Variants in PCDHGA2 observed in about 807,000 individuals in gnomAD.
PCDHGA2 encodes protocadherin gamma subfamily A, 2.
PCDHGA2 carries 40 observed loss-of-function variants against 59.2 expected under a neutral mutation model. The observed-to-expected ratio is 0.68, with a 90% CI of 0.52 to 0.88. The LOEUF (loss-of-function observed/expected upper bound fraction) is 0.88, where lower values mean the gene tolerates loss of function less well. PCDHGA2 is among the 40% of genes least tolerant of loss of function. The probability of loss-of-function intolerance (pLI) is 0.00; values close to 1 mark genes in which losing one functional copy is unlikely to be tolerated. For synonymous variants in PCDHGA2, 560 were observed against 526.0 expected (o/e 1.06, Z -0.89); for missense variants, 1,226 against 1,204.0 (o/e 1.02, Z -0.27).
At chr5:141,469,126 A>T (rs2099191838) in intron 1 of PCDHGA2, among the ~76,000 whole-genome samples, 1 of 151,470 alleles carries the variant, frequency 6.6e-6, no homozygotes, top group African/African-American at 2.4e-5. Context: ...AAATTTAAAA[A>T]TTAGCCAGAA....
intron 1 of PCDHGA2, chr5:141,378,235 G>C (rs1774737741): frequency 6.6e-6 from 1 of 152,228 alleles, no homozygotes; most frequent in Non-Finnish European, 1.5e-5. Context: ...GTATTTAAGA[G>C]TGAAAATGGC....
At chr5:141,390,327 T>G (rs377735930) in intron 1 of PCDHGA2, 172 of 1,603,116 alleles carry the variant, frequency 1.1e-4, no homozygotes, top group Non-Finnish European at 2.0e-5. Flanking sequence ...CCTACCCATT[T>G]CTCCATATTC....
intron 2 of PCDHGA2, among the ~76,000 whole-genome samples, chr5:141,497,553 T>G (rs2099777684): frequency 6.6e-6 from 1 of 151,326 alleles, no homozygotes; most frequent in Non-Finnish European, 1.5e-5. Flanking sequence ...TTTTTTTTTT[T>G]TTTTTAGACA....
At chr5:141,478,870 G>A (rs1463992722) in intron 1 of PCDHGA2, 6 of 1,273,242 alleles carry the variant, frequency 4.7e-6, no homozygotes, top group Non-Finnish European at 5.2e-6. Flanking sequence ...AGCGATCAGA[G>A]TTTAGCTTGG....
intron 1 of PCDHGA2, chr5:141,375,214 C>A: frequency 6.2e-7 from 1 of 1,613,928 alleles, no homozygotes. Flanking sequence ...GAGACTCTGG[C>A]CTGAATGGCC....
In PCDHGA2 at chr5:141,399,258, G is replaced by T; in HGVS notation, c.2424+57863G>T. On this transcript the variant is annotated intron_variant, in intron 1 of 3. Coordinates refer to ENST00000394576, the MANE Select transcript of PCDHGA2 (RefSeq NM_018915.4). ...ACCAAGATTCTGGGGAAAATGGGGA[G>T]GTTAATTGTCAATTACAAGGCGAAG... 4 of 1,613,870 alleles carry T rather than the reference G, an allele frequency of 2.5e-6. No homozygotes were observed. Among genetic ancestry groups the T allele is most frequent in the East Asian group, 2.2e-5 (1 of 44,878 alleles).
At chr5:141,394,648 G>T (rs1294007915) in intron 1 of PCDHGA2, 1 of 1,613,404 alleles carries the variant, frequency 6.2e-7, no homozygotes, top group East Asian at 2.2e-5. Flanking sequence ...CTCAAGGCCA[G>T]CGAGCCGGGA....
chr5:141,462,125 A>G (rs918645911), intron 1 of PCDHGA2, among the ~76,000 whole-genome samples: 24 of 151,688 alleles, frequency 1.6e-4, no homozygotes, highest in African/African-American at 5.6e-4. Flanking sequence ...ACCCAGTCCA[A>G]TTTTTTGTAT....
intron 1 of PCDHGA2, chr5:141,361,711 C>T (rs1232188461): frequency 6.2e-7 from 1 of 1,613,302 alleles, no homozygotes; most frequent in African/African-American, 1.3e-5. Flanking sequence ...TGAGCAGCTG[C>T]GCGCCTTCGA....
At chr5:141,348,572 A>G (rs543197270) in intron 1 of PCDHGA2, among the ~76,000 whole-genome samples, 1 of 152,356 alleles carries the variant, frequency 6.6e-6, no homozygotes, top group South Asian at 2.1e-4. Flanking sequence ...TAGCCTACAT[A>G]TGTGTCATGA....
intron 1 of PCDHGA2, chr5:141,345,048 G>T (rs1460374236): frequency 6.2e-7 from 1 of 1,613,822 alleles, no homozygotes; most frequent in Non-Finnish European, 8.5e-7. Flanking sequence ...CACGGTTCTG[G>T]ATGTGAATGA....
intron 1 of PCDHGA2, among the ~76,000 whole-genome samples, chr5:141,426,006 G>C (rs1013613474): frequency 2.0e-5 from 3 of 152,104 alleles, no homozygotes; most frequent in African/African-American, 7.2e-5. Flanking sequence ...AAGGCTTCCG[G>C]CTGCAGTTTT....
At chr5:141,350,533 G>C in intron 1 of PCDHGA2, 1 of 1,614,072 alleles carries the variant, frequency 6.2e-7, no homozygotes, top group Non-Finnish European at 8.5e-7. Flanking sequence ...ATCGAGAGAA[G>C]ATTTGCGGAA....
intron 1 of PCDHGA2, chr5:141,375,726 T>C (rs1771809693): frequency 6.2e-7 from 1 of 1,614,262 alleles, no homozygotes; most frequent in East Asian, 2.2e-5. Flanking sequence ...AACGTGTCAC[T>C]GAGCCTGTTT....
At chr5:141,453,430 C>A (rs1043851647) in intron 1 of PCDHGA2, among the ~76,000 whole-genome samples, 1 of 152,018 alleles carries the variant, frequency 6.6e-6, no homozygotes, top group Non-Finnish European at 1.5e-5. Flanking sequence ...CCACACCTAG[C>A]CTAGTATTCT....
At chr5:141,466,107 G>T (rs1463944825) in intron 1 of PCDHGA2, among the ~76,000 whole-genome samples, 1 of 151,928 alleles carries the variant, frequency 6.6e-6, no homozygotes, top group East Asian at 1.9e-4. Flanking sequence ...GGGCAACAGA[G>T]TGAGACTCCA....
chr5:141,361,197 T>A, intron 1 of PCDHGA2: 1 of 1,613,872 alleles, frequency 6.2e-7, no homozygotes, highest in South Asian at 1.1e-5. Flanking sequence ...CAGTATCTAC[T>A]CCCCTACCGG....
chr5:141,451,165 A>G (rs2098709571), intron 1 of PCDHGA2, among the ~76,000 whole-genome samples: 1 of 152,116 alleles, frequency 6.6e-6, no homozygotes, highest in Admixed American at 6.6e-5. Context: ...TTTTGGTAGT[A>G]TATTATTTAG....
chr5:141,463,965 C>T (rs1207852177), intron 1 of PCDHGA2, among the ~76,000 whole-genome samples: 1 of 151,648 alleles, frequency 6.6e-6, no homozygotes, highest in African/African-American at 2.4e-5. Context: ...AAAATAGCTT[C>T]ATAAAACTCC....
Sources: gnomAD v4.1 joint callset for allele counts (sites outside exome capture counted in the v4.1 genomes callset) on GRCh38, gnomAD v4.1.1 for gene constraint, MANE v1.5 for transcripts, NCBI Gene and HGNC (gene_info 2026-07-23, HGNC 2026-07-21) for gene names.